The following LRRC34 variants were observed in gnomAD, a reference collection of about 807,000 sequenced individuals.
The protein encoded by LRRC34 is leucine rich repeat containing 34.
LRRC34 carries 44 observed loss-of-function variants against 48.5 expected under a neutral mutation model. That is an observed-to-expected ratio of 0.91 (90% CI 0.71 to 1.17). The LOEUF (loss-of-function observed/expected upper bound fraction) is 1.17, where lower values mean the gene tolerates loss of function less well. Among genes scored for constraint, LRRC34 ranks in the 50% most tolerant of loss-of-function variants. LRRC34 has a pLI of 0.00. For synonymous variants in LRRC34, 192 were observed against 197.6 expected (o/e 0.97, Z 0.24); for missense variants, 502 against 563.0 (o/e 0.89, Z 1.10).
intron 2 of LRRC34, 59 bp downstream of exon 2, chr3:169,808,569 T>C (rs1779460649): frequency 1.1e-6 from 1 of 937,922 alleles, no homozygotes; most frequent in Admixed American, 2.4e-5. Flanking sequence ...TGTTAGGATT[T>C]TCACACACAT....
chr3:169,802,316 A>G (rs1779221425), intron 6 of LRRC34, among the ~76,000 whole-genome samples: 1 of 152,198 alleles, frequency 6.6e-6, no homozygotes, highest in African/African-American at 2.4e-5. Flanking sequence ...GGGAAGCACT[A>G]TCTTAATGTC....
At position 169,811,791 on chromosome 3, in the gene LRRC34, C is replaced by T. The variant is rs1395181183; in HGVS notation, c.139+619G>A. Among the ~76,000 whole-genome samples the T allele has an allele frequency of 5.9e-5, 9 of 152,210 alleles. No individual in the cohort carries two copies. The South Asian group carries it at 1.7e-3, about 28-fold the overall frequency. ...GTTGTTATGCCAGCTTAAATTTCCT[C>T]TCATGCTAAAGGCAGAGCCTAACAC... On this transcript the variant is annotated intron_variant, in intron 1 of 10. Transcript: ENST00000446859.
At chr3:169,799,095 A>G (rs1779096633) in intron 7 of LRRC34, among the ~76,000 whole-genome samples, 1 of 152,172 alleles carries the variant, frequency 6.6e-6, no homozygotes, top group Non-Finnish European at 1.5e-5. Context: ...TAAAATAGGA[A>G]TCTATTTGAA....
At position 169,807,654 on chromosome 3, in the gene LRRC34, C is replaced by A; in HGVS notation, c.313G>T (p.Glu105Ter). 6.3e-7 allele frequency: 1 copy of A among 1,596,316 alleles called. No homozygotes were observed. The highest frequency in any genetic ancestry group is 8.5e-7 in the Non-Finnish European group (1 of 1,172,648). The change falls in exon 3 of 11, where the codon GAA (glutamate) becomes TAA (stop). Residue 105 changes from glutamate to a stop codon, truncating the protein, a stop_gained. Transcript: ENST00000446859. LOFTEE classifies it high-confidence loss of function. ...CAAAAATCTTCACCTGTAACTCTTT[C>A]TACTGGCACTAAGCGATTGTTACCA... ...IAGNNRLVPV[E>*]RVTGEDFWIL...
chr3:169,801,835 T>C (rs1779201947), intron 6 of LRRC34, among the ~76,000 whole-genome samples: 1 of 152,188 alleles, frequency 6.6e-6, no homozygotes, highest in African/African-American at 2.4e-5. Flanking sequence ...TTTTTTGAGA[T>C]AGGGTCTCAC....
Position 169,804,057 on chromosome 3 carries a change from T to C in LRRC34, c.653A>G (p.Asp218Gly). Residue 218 changes from aspartate to glycine, a missense_variant, in exon 6 of 11, where the codon GAT becomes GGT. Coordinates refer to ENST00000446859, the MANE Select transcript of LRRC34 (RefSeq NM_001172779.2). ...SLEKLDLGDC[D>G]LGMQSVIAFA... Reference sequence around the variant, plus strand: ...TCTCATAACCAGTTTACTCACCAGATCACAGTCACCCAGATCTAATTTCTC... The same window carrying C: ...TCTCATAACCAGTTTACTCACCAGACCACAGTCACCCAGATCTAATTTCTC... 1 of 1,582,044 alleles carries C rather than the reference T, an allele frequency of 6.3e-7. No homozygotes were observed. Among genetic ancestry groups the C allele is most frequent in the Non-Finnish European group, 8.6e-7 (1 of 1,163,188 alleles).
rs1227054415 is a variant in LRRC34 at position 169,796,364 on chromosome 3, T to C, written c.914A>G (p.Lys305Arg). 3.1e-6 allele frequency: 5 copies of C among 1,599,678 alleles called. No individual in the cohort carries two copies. Among genetic ancestry groups the C allele is most frequent in the Admixed American group, 1.8e-5 (1 of 55,572 alleles). The change falls in exon 9 of 11, where the codon AAA becomes AGA. Residue 305 changes from lysine (K) to arginine (R), a missense_variant. By Grantham distance (26) the Lys-to-Arg change is conservative. Coordinates refer to ENST00000446859, the MANE Select transcript of LRRC34 (RefSeq NM_001172779.2). Reference protein sequence around the residue: ...SLRYLDVSCNKITHDGMVYLA... With the variant: ...SLRYLDVSCNRITHDGMVYLA... ...ATACACCATTCCATCATGAGTTATT[T>C]TGTTGCTGGCAAAGGAAAAATAGTT...
rs975967795 is a variant in LRRC34 at position 169,812,627 on chromosome 3, C to T, written c.-79G>A. 13 of 1,404,412 alleles carry T rather than the reference C, an allele frequency of 9.3e-6. No homozygotes were observed. The highest frequency in any genetic ancestry group is 1.2e-5 in the Non-Finnish European group (13 of 1,086,086). The allele number at this position is 1,404,412 out of a possible 1,614,324, so 87.0% of individuals were successfully genotyped here. On this transcript the variant is annotated 5_prime_UTR_variant, in exon 1 of 11. Transcript: ENST00000446859. This position sits in a 1 kb window ranked among gnomAD's most constrained non-coding sequence, Gnocchi z 4.3. ...GCCTCGGCGCCAGCCTGCTTCGAGT[C>T]CCGCTGGCTGTGCCTGCCCGGGCCC...
chr3:169,796,232 T>C lies in LRRC34; in HGVS notation c.1046A>G (p.His349Arg). 4 of 1,609,012 alleles carry C rather than the reference T, an allele frequency of 2.5e-6. No individual in the cohort carries two copies. Among genetic ancestry groups the C allele is most frequent in the Non-Finnish European group, 3.4e-6 (4 of 1,178,644 alleles). The change falls in exon 9 of 11, where the codon CAC becomes CGC. Residue 349 changes from histidine to arginine, a missense_variant. Physicochemically the swap from His to Arg is conservative, Grantham distance 29. Transcript: ENST00000446859. ...TACTAACGCTTTAAGACTCCTGTTG[T>C]GTGAAGTAAGAGTTTCACTGAGATA... ...ANYLSETLTSHNRSLKALSVV... is the reference protein window; with the variant it reads ...ANYLSETLTSRNRSLKALSVV...
intron 4 of LRRC34, 105 bp downstream of exon 4, chr3:169,807,321 T>G (rs1779412488): frequency 9.1e-7 from 1 of 1,097,818 alleles, no homozygotes; most frequent in Admixed American, 1.8e-5. Context: ...TAGCACAGAG[T>G]CAGGACCCTT....
intron 1 of LRRC34, 140 bp from the exon 2 acceptor site, chr3:169,808,885 T>C: frequency 1.8e-6 from 1 of 564,560 alleles, no homozygotes. Flanking sequence ...AGAATTAAGG[T>C]TAGAAAAAGA....
intron 6 of LRRC34, among the ~76,000 whole-genome samples, chr3:169,802,550 G>GGGCAGA (rs1158772218): frequency 6.6e-6 from 1 of 152,134 alleles, no homozygotes; most frequent in Non-Finnish European, 1.5e-5. Flanking sequence ...AGTTTCATAA[G>GGGCAGA]GGCAGAGGCA....
chr3:169,806,560 T>TA (rs539031809), intron 5 of LRRC34, among the ~76,000 whole-genome samples: 65 of 151,376 alleles, frequency 4.3e-4, no homozygotes, highest in African/African-American at 1.4e-3. Context: ...GTTTTTAAAA[T>TA]AGTGATAGTA....
chr3:169,798,608 C>A (rs1020894337), intron 7 of LRRC34, among the ~76,000 whole-genome samples: 1 of 152,112 alleles, frequency 6.6e-6, no homozygotes, highest in Non-Finnish European at 1.5e-5. Context: ...CTGAGAGCAA[C>A]AAGGGGGCCT....
chr3:169,810,150 A>G (rs1045041599), intron 1 of LRRC34, among the ~76,000 whole-genome samples: 1 of 152,032 alleles, frequency 6.6e-6, no homozygotes, highest in African/African-American at 2.4e-5. Flanking sequence ...CATGTTGGCC[A>G]GGCTGGTCTC....
intron 7 of LRRC34, among the ~76,000 whole-genome samples, chr3:169,798,134 TA>T (rs1396102664): frequency 6.6e-6 from 1 of 152,058 alleles, no homozygotes; most frequent in Non-Finnish European, 1.5e-5. Flanking sequence ...ACCAACCACT[TA>T]GGGGGTTCCA....
At chr3:169,807,062 A>G in intron 4 of LRRC34, 131 bp from the exon 5 acceptor site, 1 of 520,776 alleles carries the variant, frequency 1.9e-6, no homozygotes. Flanking sequence ...GAAAATCTTT[A>G]TAACCAAGAA....
At chr3:169,794,081 G>T in intron 10 of LRRC34, 1 of 340,010 alleles carries the variant, frequency 2.9e-6, no homozygotes, top group Non-Finnish European at 5.3e-6. Flanking sequence ...TATTAGACAT[G>T]TTTTGTCATT....
rs1398428425 is a variant in LRRC34, at chr3:169,796,709, T to C, written c.908+36A>G. On this transcript the variant is annotated intron_variant, in intron 8 of 10. Coordinates refer to ENST00000446859, the MANE Select transcript of LRRC34 (RefSeq NM_001172779.2). ...ATTTATATAGATTATTCCCATTATT[T>C]AACTTTGAATTATTAATGTGTAAAT... The C allele has an allele frequency of 1.9e-6, 3 of 1,572,768 alleles. No homozygotes were observed. The South Asian group carries it at 3.5e-5, about 19-fold the overall frequency.
Sources: gnomAD v4.1 joint callset for allele counts (sites outside exome capture counted in the v4.1 genomes callset) on GRCh38, gnomAD v4.1.1 for gene constraint, Gnocchi (gnomAD v3.1) non-coding constraint, MANE v1.5 for transcripts, NCBI Gene and HGNC (gene_info 2026-07-23, HGNC 2026-07-21) for gene names.